Variants in NRCAM observed in about 807,000 individuals in gnomAD.
NRCAM encodes neuronal cell adhesion molecule.
NRCAM carries 83 observed loss-of-function variants against 156.5 expected under a neutral mutation model. The ratio of observed to expected loss-of-function variants is 0.53; its 90% CI spans 0.44 to 0.64. The LOEUF (loss-of-function observed/expected upper bound fraction) is 0.64, where lower values mean the gene tolerates loss of function less well. NRCAM is among the 30% of genes least tolerant of loss of function. The pLI is 0.00. For synonymous variants in NRCAM, 538 were observed against 563.9 expected, an observed-to-expected ratio of 0.95 and a Z score of 0.65; for missense variants, 1,417 against 1,597.3, an observed-to-expected ratio of 0.89 and a Z score of 1.92.
chr7:108,155,101 T>TATATACACACACACACAC (rs1270777439), intron 32 of NRCAM, among the ~76,000 whole-genome samples: 2 of 123,102 alleles, frequency 1.6e-5, no homozygotes, highest in African/African-American at 7.1e-5. Context: ...TATATATATA[T>TATATACACACACACACAC]ACACACACAC....
intron 2 of NRCAM, among the ~76,000 whole-genome samples, chr7:108,328,116 A>T (rs373472527): frequency 6.6e-6 from 1 of 152,196 alleles, no homozygotes; most frequent in Non-Finnish European, 1.5e-5. Flanking sequence ...ATATGTTCAC[A>T]TTTTGCTACT....
At chr7:108,343,449 A>G (rs913113725) in intron 2 of NRCAM, among the ~76,000 whole-genome samples, 1 of 152,296 alleles carries the variant, frequency 6.6e-6, no homozygotes, top group South Asian at 2.1e-4. Flanking sequence ...AGGAAAGGGA[A>G]ATAGAAGGGA....
At chr7:108,177,659 ATGTATATACGTG>A (rs1188662123) in intron 26 of NRCAM, among the ~76,000 whole-genome samples, 6 of 17,758 alleles carry the variant, frequency 3.4e-4, no homozygotes, top group African/African-American at 5.6e-4. Flanking sequence ...ATATATATAT[ATGTATATACGTG>A]TATATATATA....
rs748951602 is a variant in NRCAM, at chr7:108,175,365, G to A, written c.3152-8C>T. ...CAGGTGGAAGAATACCAGCTTTAAT[G>A]AAGGGAAACAGAAATAGGACACTAT... is the stretch of plus-strand genomic sequence containing the variant. On this transcript the variant is annotated splice_polypyrimidine_tract_variant and splice_region_variant and intron_variant, in intron 27 of 32. Transcript: ENST00000379028. 4 of 1,561,460 alleles carry A rather than the reference G, an allele frequency of 2.6e-6. No homozygotes were observed. Among genetic ancestry groups the A allele is most frequent in the East Asian group, 2.4e-5 (1 of 42,378 alleles).
intron 2 of NRCAM, among the ~76,000 whole-genome samples, chr7:108,364,959 T>A (rs1396400658): frequency 6.6e-6 from 1 of 152,166 alleles, no homozygotes; most frequent in Non-Finnish European, 1.5e-5. Flanking sequence ...AGGTGAAATG[T>A]ATCATATGTG....
chr7:108,191,853 C>T lies in NRCAM; in HGVS notation c.1779G>A (p.Arg593=). ...KDNRELPSDE[R]FTVDKDHLVV... ...CTAGATGATCCTTGTCAACAGTGAACCTGTGGATAGAATGCATTCAGAGCA... is the reference window on the plus strand; with the variant it reads ...CTAGATGATCCTTGTCAACAGTGAATCTGTGGATAGAATGCATTCAGAGCA... Residue 593 remains arginine (R), a splice_region_variant and synonymous_variant, in exon 18 of 33, where the codon AGG becomes AGA. Transcript: ENST00000379028. The T allele has an allele frequency of 6.2e-7, 1 of 1,612,974 alleles. No homozygotes were observed. The highest frequency in any genetic ancestry group is 8.5e-7 in the Non-Finnish European group (1 of 1,179,786).
chr7:108,211,168 G>A (rs2084078244), intron 11 of NRCAM, among the ~76,000 whole-genome samples: 1 of 152,014 alleles, frequency 6.6e-6, no homozygotes, highest in South Asian at 2.1e-4. Flanking sequence ...GACTTTACCT[G>A]GAGCTGAGTC....
chr7:108,240,960 T>C (rs1347959695), intron 3 of NRCAM, among the ~76,000 whole-genome samples: 1 of 152,166 alleles, frequency 6.6e-6, no homozygotes, highest in Non-Finnish European at 1.5e-5. Context: ...TCGATATGCC[T>C]CAAATTTTCC....
chr7:108,330,890 C>T (rs773194528), intron 2 of NRCAM, among the ~76,000 whole-genome samples: 8 of 152,160 alleles, frequency 5.3e-5, no homozygotes, highest in African/African-American at 1.2e-4. Context: ...AAAATGTACA[C>T]GCAGCTTTCT....
intron 3 of NRCAM, among the ~76,000 whole-genome samples, chr7:108,300,268 G>A (rs537759124): frequency 1.5e-5 from 2 of 133,696 alleles, no homozygotes; most frequent in East Asian, 4.9e-4. Context: ...ATTCGCAATT[G>A]TTATTGTAAT....
At chr7:108,370,273 T>C (rs1335786261) in intron 2 of NRCAM, among the ~76,000 whole-genome samples, 1 of 152,142 alleles carries the variant, frequency 6.6e-6, no homozygotes, top group Non-Finnish European at 1.5e-5. Flanking sequence ...GTTAAAGCTG[T>C]TCTAGACAAG....
At chr7:108,388,277 T>C (rs1011095288) in intron 2 of NRCAM, among the ~76,000 whole-genome samples, 2 of 152,218 alleles carry the variant, frequency 1.3e-5, no homozygotes, top group African/African-American at 4.8e-5. Context: ...GGTATCTCAT[T>C]GTGGTTTTGA....
chr7:108,149,924 T>C lies in NRCAM; in HGVS notation c.3901A>G (p.Asn1301Asp). ...GAGCTTAAAAATTAAACAAAGGAAT[T>C]CATGGCGTTGACAGGAGAAGGTGCC... Reference protein sequence around the residue: ...SEAPSPVNAMNSFV With the variant: ...SEAPSPVNAMDSFV Residue 1301 changes from asparagine (N) to aspartate (D), a missense_variant, in exon 33 of 33, where the codon AAT becomes GAT. Asn to Asp is a conservative substitution (Grantham distance 23, BLOSUM62 1). Coordinates refer to ENST00000379028, the MANE Select transcript of NRCAM (RefSeq NM_001037132.4). 6.2e-7 allele frequency: 1 copy of C among 1,607,178 alleles called. No individual in the cohort carries two copies. Among genetic ancestry groups the C allele is most frequent in the Non-Finnish European group, 8.5e-7 (1 of 1,178,246 alleles).
intron 32 of NRCAM, among the ~76,000 whole-genome samples, chr7:108,157,815 C>T (rs937808499): frequency 1.3e-5 from 2 of 152,044 alleles, no homozygotes; most frequent in South Asian, 4.1e-4. Context: ...TTCACTGAGG[C>T]ATGATAATGT....
intron 2 of NRCAM, among the ~76,000 whole-genome samples, chr7:108,397,124 G>A (rs1352036249): frequency 6.6e-6 from 1 of 152,132 alleles, no homozygotes; most frequent in Non-Finnish European, 1.5e-5. Context: ...AAAAGATGAG[G>A]TGGAAACGGC....
intron 30 of NRCAM, 109 bp from the exon 31 acceptor site, chr7:108,160,601 T>C: frequency 1.2e-6 from 1 of 819,298 alleles, no homozygotes; most frequent in Non-Finnish European, 1.8e-6. Context: ...TCATATATTT[T>C]ACATGTGGCC....
chr7:108,397,256 G>T (rs993928133), intron 2 of NRCAM, among the ~76,000 whole-genome samples: 1 of 152,172 alleles, frequency 6.6e-6, no homozygotes, highest in African/African-American at 2.4e-5. Flanking sequence ...GACCTTTAAA[G>T]TTCCTGAAAA....
At chr7:108,153,220 T>C (rs963738480) in intron 32 of NRCAM, among the ~76,000 whole-genome samples, 1 of 152,108 alleles carries the variant, frequency 6.6e-6, no homozygotes, top group African/African-American at 2.4e-5. Flanking sequence ...CAAACCAAAT[T>C]TAGCAATCTA....
chr7:108,187,094 C>T (rs1402277226), intron 20 of NRCAM, among the ~76,000 whole-genome samples: 1 of 152,176 alleles, frequency 6.6e-6, no homozygotes, highest in Non-Finnish European at 1.5e-5. Flanking sequence ...CTTCAGTGCA[C>T]AGTTTGGGAA....
Sources: allele counts gnomAD v4.1 joint callset (sites outside exome capture counted in the v4.1 genomes callset), GRCh38; gene constraint gnomAD v4.1.1; transcripts MANE v1.5; gene names NCBI Gene and HGNC (gene_info 2026-07-23, HGNC 2026-07-21).